Variants in CWC27 observed in about 807,000 individuals in gnomAD.
CWC27 encodes CWC27 spliceosome associated cyclophilin, also known as spliceosome-associated protein CWC27 homolog.
CWC27 carries 47 observed loss-of-function variants against 63.6 expected under a neutral mutation model. The ratio of observed to expected loss-of-function variants is 0.74; its 90% CI spans 0.58 to 0.94. The LOEUF is 0.94. Ranked by LOEUF, CWC27 falls within the 40% of genes least tolerant of loss-of-function variation. The pLI, the probability that CWC27 is intolerant of heterozygous loss-of-function variation, is 0.00. For missense variants in CWC27, 495 were observed against 554.3 expected (o/e 0.89, Z 1.07); for synonymous variants, 175 against 179.8 (o/e 0.97, Z 0.22).
At chr5:64,881,547 T>A (rs909416428) in intron 10 of CWC27, among the ~76,000 whole-genome samples, 2 of 152,286 alleles carry the variant, frequency 1.3e-5, no homozygotes, top group South Asian at 2.1e-4. Flanking sequence ...TAATAGCTAC[T>A]GTTTGTTGAA....
chr5:65,018,340 C>A lies in CWC27; in HGVS notation c.*19C>A. The stretch of plus-strand genomic sequence containing the variant: ...AAGATAAAATGAGAATAATGATAAC[C>A]AGAACTTGCTGGAAATGTGCCTACA... On this transcript the variant is annotated 3_prime_UTR_variant, in exon 14 of 14. Transcript: ENST00000381070. The A allele has an allele frequency of 1.3e-6, 2 of 1,571,716 alleles. No individual in the cohort carries two copies. Among genetic ancestry groups the A allele is most frequent in the Non-Finnish European group, 1.7e-6 (2 of 1,163,658 alleles).
chr5:64,871,323 A>C (rs2112325183), intron 10 of CWC27, among the ~76,000 whole-genome samples: 1 of 152,128 alleles, frequency 6.6e-6, no homozygotes, highest in East Asian at 1.9e-4. Flanking sequence ...TGGTAAGGAT[A>C]ATATAGGGAG....
chr5:64,944,906 C>G (rs542768631), intron 11 of CWC27, among the ~76,000 whole-genome samples: 1 of 152,206 alleles, frequency 6.6e-6, no homozygotes, highest in African/African-American at 2.4e-5. Context: ...AAGTTAAAGC[C>G]TCTATGTTTG....
chr5:64,936,324 T>G (rs1748351355), intron 11 of CWC27, among the ~76,000 whole-genome samples: 1 of 152,254 alleles, frequency 6.6e-6, no homozygotes. Flanking sequence ...TATTGAATTT[T>G]ATCGAAGGCC....
chr5:64,886,809 A>C (rs1747081308), intron 11 of CWC27, among the ~76,000 whole-genome samples: 2 of 152,162 alleles, frequency 1.3e-5, no homozygotes, highest in African/African-American at 4.8e-5. Context: ...TGGCACAAAT[A>C]ATAAACAATT....
chr5:64,831,503 TAGATAGATAGAC>T (rs1167179528), intron 10 of CWC27, among the ~76,000 whole-genome samples: 6 of 150,914 alleles, frequency 4.0e-5, no homozygotes, highest in African/African-American at 1.5e-4. Context: ...GATAGATAGA[TAGATAGATAGAC>T]AGACACATAG....
At chr5:64,983,691 C>T (rs886274009) in intron 13 of CWC27, among the ~76,000 whole-genome samples, 2 of 152,212 alleles carry the variant, frequency 1.3e-5, no homozygotes, top group African/African-American at 4.8e-5. Flanking sequence ...CAACAGAGTA[C>T]TAATTGTTTC....
At chr5:64,897,608 G>GGGGGGATAAGGT (rs879378593) in intron 11 of CWC27, among the ~76,000 whole-genome samples, 13 of 152,126 alleles carry the variant, frequency 8.5e-5, no homozygotes, top group Admixed American at 1.3e-4. Flanking sequence ...GGGGATAAGG[G>GGGGGGATAAGGT]GAGGGATAGC....
At chr5:65,017,182 G>T (rs1405970752) in intron 13 of CWC27, among the ~76,000 whole-genome samples, 1 of 151,970 alleles carries the variant, frequency 6.6e-6, no homozygotes, top group African/African-American at 2.4e-5. Flanking sequence ...TTAGCCAGGC[G>T]TGGTGGCAAA....
At position 64,924,288 on chromosome 5, in the gene CWC27, T is replaced by C. The variant is rs116244763; in HGVS notation, c.1042+38742T>C. ...GGGTTGCTATCATATTTCACTAAAA[T>C]GATATATTGTTCTAGTCTGTACTTT... On this transcript the variant is annotated intron_variant, in intron 11 of 13. Transcript: ENST00000381070. 5.2e-3 allele frequency among the ~76,000 whole-genome samples: 796 copies of C among 152,336 alleles called. 6 individuals are homozygous for C. The highest frequency in any genetic ancestry group is 0.018 in the African/African-American group (755 of 41,582).
intron 11 of CWC27, among the ~76,000 whole-genome samples, chr5:64,899,011 G>A (rs1027437699): frequency 6.6e-6 from 1 of 152,158 alleles, no homozygotes; most frequent in Non-Finnish European, 1.5e-5. Context: ...ATACCTAGCT[G>A]TAAAAAAGGC....
intron 10 of CWC27, among the ~76,000 whole-genome samples, chr5:64,881,643 T>G (rs1169583857): frequency 6.6e-6 from 1 of 152,126 alleles, no homozygotes. Flanking sequence ...AAGTAACTAT[T>G]CTCAGGTCAC....
intron 12 of CWC27, among the ~76,000 whole-genome samples, chr5:64,976,068 AAAAAAATAAAAAT>A (rs1338918671): frequency 2.0e-5 from 3 of 152,178 alleles, no homozygotes; most frequent in Non-Finnish European, 4.4e-5. Context: ...ACTCTGTCTC[AAAAAAATAAAAAT>A]AAAAAATAAA....
intron 7 of CWC27, among the ~76,000 whole-genome samples, chr5:64,793,876 A>C (rs1400312165): frequency 2.6e-5 from 4 of 152,130 alleles, no homozygotes; most frequent in African/African-American, 9.7e-5. Context: ...ATGTGAAAGG[A>C]GAAATAAGAT....
chr5:64,937,737 T>C (rs748116432), intron 11 of CWC27, among the ~76,000 whole-genome samples: 4 of 152,198 alleles, frequency 2.6e-5, no homozygotes, highest in Non-Finnish European at 4.4e-5. Context: ...TAAATCTCTT[T>C]GTAGGTCTCT....
chr5:64,936,783 T>G (rs1039623878), intron 11 of CWC27, among the ~76,000 whole-genome samples: 1 of 152,216 alleles, frequency 6.6e-6, no homozygotes, highest in Non-Finnish European at 1.5e-5. Context: ...CAGAACTTGT[T>G]ATTGGTCTAT....
At chr5:64,798,840 T>C (rs989039137) in intron 7 of CWC27, among the ~76,000 whole-genome samples, 15 of 152,210 alleles carry the variant, frequency 9.9e-5, no homozygotes, top group Non-Finnish European at 2.1e-4. Context: ...TTCTTCAAAA[T>C]TTTTCAAAGC....
intron 11 of CWC27, among the ~76,000 whole-genome samples, chr5:64,970,468 T>C (rs1749104297): frequency 5.9e-5 from 9 of 152,202 alleles, no homozygotes; most frequent in Admixed American, 5.9e-4. Context: ...CACCTCGGCC[T>C]CCGAAAGTGC....
chr5:64,972,673 T>G (rs1395130045), intron 12 of CWC27: 1 of 455,146 alleles, frequency 2.2e-6, no homozygotes, highest in Admixed American at 2.4e-5. Context: ...TTAACTTGTT[T>G]TCATGAAATC....
Sources: gnomAD v4.1 joint callset for allele counts (sites outside exome capture counted in the v4.1 genomes callset) on GRCh38, gnomAD v4.1.1 for gene constraint, MANE v1.5 for transcripts, NCBI Gene and HGNC (gene_info 2026-07-23, HGNC 2026-07-21) for gene names.